Variants in C1QTNF6 observed in about 807,000 individuals in gnomAD.
C1QTNF6 encodes complement C1q tumor necrosis factor-related protein 6.
In C1QTNF6, 17 loss-of-function variants were observed where a neutral mutation model predicts 20.7. The observed-to-expected ratio is 0.82, with a 90% CI of 0.56 to 1.23. The LOEUF is 1.23. Among genes scored for constraint, C1QTNF6 ranks in the 50% most tolerant of loss-of-function variants. The pLI, the probability that C1QTNF6 is intolerant of heterozygous loss-of-function variation, is 0.00. For missense variants in C1QTNF6, 329 were observed against 389.7 expected, an observed-to-expected ratio of 0.84 and a Z score of 1.31; for synonymous variants, 130 against 156.3, an observed-to-expected ratio of 0.83 and a Z score of 1.25.
At chr22:37,189,179 T>C (rs780952092), upstream of C1QTNF6, among the ~76,000 whole-genome samples, 9 of 152,220 alleles carry the variant, frequency 5.9e-5, no homozygotes, top group Non-Finnish European at 1.0e-4. Flanking sequence ...TTGGTGCTGG[T>C]AGAAGTGTGT....
chr22:37,192,447 G>A (rs866279439), upstream of C1QTNF6, among the ~76,000 whole-genome samples: 6 of 148,058 alleles, frequency 4.1e-5, no homozygotes, highest in South Asian at 2.2e-4. Flanking sequence ...TGGCTAACTC[G>A]ACAAGTCCCC....
At chr22:37,185,949 G>A (rs1347233120) in intron 1 of C1QTNF6, 6 of 985,396 alleles carry the variant, frequency 6.1e-6, no homozygotes, top group Non-Finnish European at 4.8e-6. Flanking sequence ...ACTGAGGTTA[G>A]TGAACACTGG....
chr22:37,185,176 G>GC, intron 2 of C1QTNF6, 42 bp downstream of exon 2: 1 of 1,508,776 alleles, frequency 6.6e-7, no homozygotes, highest in African/African-American at 1.4e-5. Context: ...CAGCTCCCTG[G>GC]CCCTCCCTGC....
chr22:37,185,472 G>A lies in C1QTNF6; in HGVS notation c.52-17C>T. 6.3e-7 allele frequency: 1 copy of A among 1,585,376 alleles called. No homozygotes were observed. Among genetic ancestry groups the A allele is most frequent in the Non-Finnish European group, 8.6e-7 (1 of 1,164,448 alleles). On this transcript the variant is annotated splice_polypyrimidine_tract_variant and intron_variant, in intron 1 of 2. Transcript: ENST00000337843. ...CATGGTGACCTGGAACAAGGAAGGAGGGACAGGAACTATACTTCACTCAAC... is the reference window on the plus strand; with the variant it reads ...CATGGTGACCTGGAACAAGGAAGGAAGGACAGGAACTATACTTCACTCAAC...
intron 1 of C1QTNF6, among the ~76,000 whole-genome samples, chr22:37,187,290 A>G (rs1392022421): frequency 1.3e-5 from 2 of 152,118 alleles, no homozygotes; most frequent in East Asian, 3.9e-4. Context: ...TGAGACTGTC[A>G]TCCTCAACTT....
Position 37,182,180 on chromosome 22 carries a change from A to G in C1QTNF6, c.*8T>C, listed in dbSNP as rs1016300735. 2 of 1,602,476 alleles carry G rather than the reference A, an allele frequency of 1.2e-6. No homozygotes were observed. The highest frequency in any genetic ancestry group is 2.7e-5 in the African/African-American group (2 of 74,786). ...AGCTCTCCAGCCGGGAGGGTGGCCCAGAGGCCCTCAGTCGTCCTCGGCCTT... is the reference window on the plus strand; with the variant it reads ...AGCTCTCCAGCCGGGAGGGTGGCCCGGAGGCCCTCAGTCGTCCTCGGCCTT... On this transcript the variant is annotated 3_prime_UTR_variant, in exon 3 of 3. Coordinates refer to ENST00000337843, the MANE Select transcript of C1QTNF6 (RefSeq NM_031910.4).
chr22:37,195,370 C>A (rs573371734), intron 2 of C1QTNF6: 1 of 152,304 alleles, frequency 6.6e-6, no homozygotes, highest in South Asian at 2.1e-4. Context: ...AATAAAATAT[C>A]CCTCACTTAC....
chr22:37,195,449 T>C (rs1010254315), exon 2 of C1QTNF6: 7 of 152,312 alleles, frequency 4.6e-5, no homozygotes, highest in South Asian at 2.1e-4. Flanking sequence ...TATCGTCCCT[T>C]CGTGGTTCAC....
chr22:37,186,728 ACT>A (rs1223442661), intron 1 of C1QTNF6, among the ~76,000 whole-genome samples: 1 of 151,256 alleles, frequency 6.6e-6, no homozygotes, highest in African/African-American at 2.4e-5. Context: ...AGGATCAGAA[ACT>A]CTGCTTTTGA....
chr22:37,194,317 C>T (rs1042973653), intron 2 of C1QTNF6, among the ~76,000 whole-genome samples: 1 of 152,188 alleles, frequency 6.6e-6, no homozygotes, highest in African/African-American at 2.4e-5. Context: ...AAATTCATAG[C>T]ACTAAGTACA....
Position 37,182,400 on chromosome 22 carries a change from T to G in C1QTNF6, c.625A>C (p.Ile209Leu). The part of the protein sequence containing the change: ...SWNYKETYVH[I>L]MHNQKEAVIL... ...ACAGCCTCTTTCTGGTTATGCATAA[T>G]GTGCACGTACGTCTCCTTGTAATTC... The change falls in exon 3 of 3, where the codon ATT (isoleucine) becomes CTT (leucine). Residue 209 changes from isoleucine to leucine, a missense_variant. By Grantham distance (5) the Ile-to-Leu change is conservative (BLOSUM62 2). Transcript: ENST00000337843. The G allele has an allele frequency of 6.2e-7, 1 of 1,614,238 alleles. No individual in the cohort carries two copies. Among genetic ancestry groups the G allele is most frequent in the Non-Finnish European group, 8.5e-7 (1 of 1,180,022 alleles).
At chr22:37,190,768 TCA>T (rs1486560992), upstream of C1QTNF6, 1 of 151,902 alleles carries the variant, frequency 6.6e-6, no homozygotes, top group African/African-American at 2.4e-5. Flanking sequence ...TTAAGAACAC[TCA>T]CAAATAGTTT....
rs777230257 is a variant in C1QTNF6 at position 37,182,380 on chromosome 22, C to T, written c.645G>A (p.Glu215=). 2.5e-6 allele frequency: 4 copies of T among 1,614,274 alleles called. No individual in the cohort carries two copies. The highest frequency in any genetic ancestry group is 1.3e-5 in the African/African-American group (1 of 75,078). The change falls in exon 3 of 3, where the codon GAG becomes GAA. Residue 215 remains glutamate, a synonymous_variant. Transcript: ENST00000337843. ...TYVHIMHNQK[E]AVILYAQPSE... is the part of the protein sequence containing the mutation. Reference sequence around the variant, plus strand: ...TGGGCTGCGCGTACAGGATGACAGCCTCTTTCTGGTTATGCATAATGTGCA... The same window carrying T: ...TGGGCTGCGCGTACAGGATGACAGCTTCTTTCTGGTTATGCATAATGTGCA...
chr22:37,197,194 TG>T (rs1351416601), intron 1 of C1QTNF6: 1 of 152,300 alleles, frequency 6.6e-6, no homozygotes, highest in Non-Finnish European at 1.5e-5. Context: ...CTTTGGCCAC[TG>T]GGAACACCCA....
At chr22:37,189,627 G>A (rs138443800), upstream of C1QTNF6, among the ~76,000 whole-genome samples, 95 of 152,296 alleles carry the variant, frequency 6.2e-4, no homozygotes, top group African/African-American at 2.1e-3. Flanking sequence ...GGTGCAGAGA[G>A]GAACTGAGTA....
chr22:37,182,304 C>A lies in C1QTNF6; in HGVS notation c.721G>T (p.Gly241Trp), dbSNP rs754701333. Residue 241 changes from glycine (G) to tryptophan (W), a missense_variant, in exon 3 of 3, where the codon GGG (glycine) becomes TGG (tryptophan). Coordinates refer to ENST00000337843, the MANE Select transcript of C1QTNF6 (RefSeq NM_031910.4). ...AAGAGCCGCACCCAGACGCGGTCCC[C>A]GTAGGCCAGGTCCAGCATCACACTC... ...SQSVMLDLAY[G>W]DRVWVRLFKR... is the part of the protein sequence containing the mutation. 6.2e-7 allele frequency: 1 copy of A among 1,614,196 alleles called. No individual in the cohort carries two copies. Among genetic ancestry groups the A allele is most frequent in the East Asian group, 2.2e-5 (1 of 44,880 alleles).
At position 37,186,909 on chromosome 22, in the gene C1QTNF6, G is replaced by A. The variant is rs111638232; in HGVS notation, c.51+1254C>T. On this transcript the variant is annotated intron_variant, in intron 1 of 2. Transcript: ENST00000337843. Reference sequence around the variant, plus strand: ...CTGTCTCAGCTGAGCACTGAGGTGAGGGCAGAGTTTTAAAGGGGCAGGATG... The same window carrying A: ...CTGTCTCAGCTGAGCACTGAGGTGAAGGCAGAGTTTTAAAGGGGCAGGATG... Among the ~76,000 whole-genome samples, 593 of 152,238 alleles carry A rather than the reference G, an allele frequency of 3.9e-3. 7 individuals carry two copies. Among genetic ancestry groups the A allele is most frequent in the Non-Finnish European group, 5.7e-3 (390 of 68,024 alleles).
Position 37,182,116 on chromosome 22 carries a change from G to A in C1QTNF6, c.*72C>T. ...TCCCTGGCCTTCCTGCTTCACAGCAGTGCAAACTGAGCCCTGCAGGGGACG... is the reference window on the plus strand; with the variant it reads ...TCCCTGGCCTTCCTGCTTCACAGCAATGCAAACTGAGCCCTGCAGGGGACG... On this transcript the variant is annotated 3_prime_UTR_variant, in exon 3 of 3. Transcript: ENST00000337843. 2 of 1,498,708 alleles carry A rather than the reference G, an allele frequency of 1.3e-6. No homozygotes were observed. The highest frequency in any genetic ancestry group is 2.3e-5 in the East Asian group (1 of 43,064). 92.8% of individuals were successfully genotyped at this position (1,498,708 alleles called of 1,614,324 possible). A position where few individuals can be genotyped will look rare whatever the true frequency, so the allele number is the denominator to read the frequency against.
chr22:37,195,976 G>A (rs576457873), intron 1 of C1QTNF6: 1 of 152,266 alleles, frequency 6.6e-6, no homozygotes, highest in East Asian at 1.9e-4. Flanking sequence ...TATGATACCA[G>A]TCCTGCCGAC....
Sources: allele counts gnomAD v4.1 joint callset (sites outside exome capture counted in the v4.1 genomes callset), GRCh38; gene constraint gnomAD v4.1.1; transcripts MANE v1.5; gene names NCBI Gene and HGNC (gene_info 2026-07-23, HGNC 2026-07-21).